Variants in NREP observed in about 807,000 individuals in gnomAD.
NREP encodes neuronal regeneration-related protein.
In NREP, 5 loss-of-function variants were observed where a neutral mutation model predicts 8.6. The ratio of observed to expected loss-of-function variants is 0.58; its 90% confidence interval spans 0.30 to 1.22. The LOEUF (loss-of-function observed/expected upper bound fraction) is 1.22. Ranked by LOEUF, NREP falls within the 50% of genes most tolerant of loss-of-function variation. NREP has a pLI of 0.07. For missense variants in NREP, 86 were observed against 82.5 expected, an observed-to-expected ratio of 1.04 and a Z score of -0.17; for synonymous variants, 27 against 28.0, an observed-to-expected ratio of 0.96 and a Z score of 0.11.
At chr5:111,846,752 A>T (rs1753186195) in intron 2 of NREP, among the ~76,000 whole-genome samples, 1 of 152,058 alleles carries the variant, frequency 6.6e-6, no homozygotes, top group African/African-American at 2.4e-5. Context: ...GTTCCATGAG[A>T]TAATACCAAA....
At chr5:111,902,456 A>G (rs1010084692) in intron 2 of NREP, among the ~76,000 whole-genome samples, 1 of 152,172 alleles carries the variant, frequency 6.6e-6, no homozygotes, top group African/African-American at 2.4e-5. Context: ...ATTTTTTCAA[A>G]TAATTGTAAC....
intron 2 of NREP, chr5:111,912,606 C>T (rs1313175029): frequency 4.6e-5 from 7 of 152,088 alleles, no homozygotes; most frequent in Admixed American, 4.6e-4. Flanking sequence ...TGCTACCCTA[C>T]TTGCGTCTTA....
intron 2 of NREP, among the ~76,000 whole-genome samples, chr5:111,928,408 GA>G (rs1755448507): frequency 6.6e-6 from 1 of 151,986 alleles, no homozygotes; most frequent in Admixed American, 6.6e-5. Context: ...TCAAATTGAG[GA>G]AAGCAGACTT....
chr5:111,941,727 G>C (rs1755834933), intron 2 of NREP, among the ~76,000 whole-genome samples: 3 of 152,034 alleles, frequency 2.0e-5, no homozygotes, highest in African/African-American at 7.2e-5. Context: ...GAATGGGATT[G>C]ATAATAAAAG....
At chr5:111,818,388 A>G (rs573823208) in intron 2 of NREP, among the ~76,000 whole-genome samples, 1 of 152,200 alleles carries the variant, frequency 6.6e-6, no homozygotes, top group Non-Finnish European at 1.5e-5. Context: ...TGTTATAGAG[A>G]TATGGGTAAA....
chr5:111,792,993 A>G (rs915012426), intron 2 of NREP, among the ~76,000 whole-genome samples: 3 of 152,198 alleles, frequency 2.0e-5, no homozygotes, highest in Non-Finnish European at 2.9e-5. Flanking sequence ...TGCAAAGGAT[A>G]CAGATGGGCC....
chr5:111,757,010 T>A (rs1750755888), intron 1 of NREP, 126 bp downstream of exon 1: 1 of 160,078 alleles, frequency 6.2e-6, no homozygotes, highest in Non-Finnish European at 1.3e-5. Flanking sequence ...TTCAGCTCTT[T>A]AAAATTTAGA....
intron 2 of NREP, among the ~76,000 whole-genome samples, chr5:111,779,424 C>G (rs1012869326): frequency 6.6e-6 from 1 of 152,170 alleles, no homozygotes; most frequent in African/African-American, 2.4e-5. Context: ...TAGCTACTGT[C>G]TGTTAGTCTT....
chr5:111,755,473 C>A (rs1750640492), intron 2 of NREP: 2 of 397,174 alleles, frequency 5.0e-6, no homozygotes, highest in Admixed American at 3.6e-5. Flanking sequence ...CAACACATCA[C>A]TCTTCTTAAA....
chr5:111,840,945 AG>A (rs1425970706), intron 2 of NREP, among the ~76,000 whole-genome samples: 1 of 152,072 alleles, frequency 6.6e-6, no homozygotes, highest in East Asian at 1.9e-4. Context: ...AGCTTCAAGG[AG>A]GAGCAGCAGG....
intron 2 of NREP, among the ~76,000 whole-genome samples, chr5:111,840,009 GA>G (rs2112947061): frequency 1.3e-5 from 2 of 152,180 alleles, no homozygotes; most frequent in South Asian, 4.2e-4. Flanking sequence ...GTTTCAGAGA[GA>G]AATGTGCTTT....
chr5:111,905,005 TC>T (rs1754745086), intron 2 of NREP, among the ~76,000 whole-genome samples: 6 of 152,070 alleles, frequency 3.9e-5, no homozygotes, highest in African/African-American at 1.4e-4. Context: ...CATATCTCTC[TC>T]TCTCTCTCCA....
At chr5:111,953,749 A>C (rs935605968) in intron 2 of NREP, among the ~76,000 whole-genome samples, 1 of 152,094 alleles carries the variant, frequency 6.6e-6, no homozygotes, top group African/African-American at 2.4e-5. Flanking sequence ...ATTTCTTAGA[A>C]AGTGATATTT....
chr5:111,731,152 A>G (rs1748519310), intron 3 of NREP, 106 bp from the exon 4 acceptor site: 1 of 1,214,852 alleles, frequency 8.2e-7, no homozygotes, highest in Non-Finnish European at 1.1e-6. Flanking sequence ...CCCAGCCCAC[A>G]TTATACCCTT....
chr5:111,946,222 AGTTT>A (rs1413829092), intron 2 of NREP, among the ~76,000 whole-genome samples: 4 of 150,348 alleles, frequency 2.7e-5, no homozygotes, highest in African/African-American at 9.7e-5. Flanking sequence ...TTTTTGCTTT[AGTTT>A]CTTTCTAAAA....
At chr5:111,959,724 G>A (rs1756430315) in intron 2 of NREP, among the ~76,000 whole-genome samples, 1 of 151,876 alleles carries the variant, frequency 6.6e-6, no homozygotes. Flanking sequence ...TTACTAAGTT[G>A]AACACTTTAA....
chr5:111,914,306 A>G (rs1420004377), intron 2 of NREP, among the ~76,000 whole-genome samples: 1 of 152,108 alleles, frequency 6.6e-6, no homozygotes, highest in East Asian at 1.9e-4. Flanking sequence ...CATAATAGAG[A>G]ATCAATGTAC....
chr5:111,920,092 G>C (rs751042111), intron 2 of NREP, among the ~76,000 whole-genome samples: 1 of 150,866 alleles, frequency 6.6e-6, no homozygotes, highest in Non-Finnish European at 1.5e-5. Context: ...TAATGTGCAT[G>C]CCTGAGCCTA....
At chr5:111,839,767 G>T (rs1020978256) in intron 2 of NREP, among the ~76,000 whole-genome samples, 1 of 152,132 alleles carries the variant, frequency 6.6e-6, no homozygotes, top group Non-Finnish European at 1.5e-5. Context: ...TACCTATAAT[G>T]ATTTTAGTGT....
Sources: gnomAD v4.1 joint callset for allele counts (sites outside exome capture counted in the v4.1 genomes callset) on GRCh38, gnomAD v4.1.1 for gene constraint, MANE v1.5 for transcripts, NCBI Gene and HGNC (gene_info 2026-07-23, HGNC 2026-07-21) for gene names.